Variants in CRTC3 observed in about 807,000 individuals in gnomAD.
The protein encoded by CRTC3 is CREB-regulated transcription coactivator 3.
Under a neutral mutation model 74.5 loss-of-function variants are expected in CRTC3, and 26 were observed. The observed-to-expected ratio is 0.35, with a 90% CI of 0.26 to 0.48. The LOEUF (loss-of-function observed/expected upper bound fraction) is 0.48, where lower values mean the gene tolerates loss of function less well. CRTC3 is among the 20% of genes least tolerant of loss of function. The pLI is 0.99. For missense variants in CRTC3, 760 were observed against 787.3 expected, an observed-to-expected ratio of 0.97 and a Z score of 0.41; for synonymous variants, 377 against 325.8, an observed-to-expected ratio of 1.16 and a Z score of -1.69.
At chr15:90,623,334 C>T (rs557713757) in intron 9 of CRTC3, among the ~76,000 whole-genome samples, 10 of 152,288 alleles carry the variant, frequency 6.6e-5, no homozygotes, top group African/African-American at 1.7e-4. Context: ...GCCTCCTGTA[C>T]GTAACTGAGA....
rs184470048 is a variant in CRTC3, at chr15:90,617,811, G to A, written c.614-72G>A. ...CCCATAAAGTGCTAGGATTATAGGC[G>A]TGAGCCACCGTGCCCGGCCTGGATT... On this transcript the variant is annotated intron_variant, in intron 7 of 14. Transcript: ENST00000268184. 53 of 998,504 alleles carry A rather than the reference G, an allele frequency of 5.3e-5. No individual in the cohort carries two copies. The East Asian group carries it at 6.0e-4, about 11-fold the overall frequency. The allele number at this position is 998,504 out of a possible 1,614,324, so 61.9% of individuals were successfully genotyped here.
intron 11 of CRTC3, among the ~76,000 whole-genome samples, chr15:90,632,682 G>A (rs1969083462): frequency 6.6e-6 from 1 of 152,240 alleles, no homozygotes; most frequent in African/African-American, 2.4e-5. Context: ...TCAACTCACT[G>A]AAACCTCCAC....
At chr15:90,597,943 A>G (rs7175350) in intron 3 of CRTC3, 144,135 of 153,494 alleles carry the variant, frequency 0.94, 67,882 homozygotes, top group Middle Eastern at 0.99. Flanking sequence ...AGGGACAAAA[A>G]GAAGTAGAAT....
At chr15:90,612,026 A>ACTC (rs59213374) in intron 6 of CRTC3, among the ~76,000 whole-genome samples, 26,230 of 51,432 alleles carry the variant, frequency 0.51, 7,045 homozygotes, top group Non-Finnish European at 0.55. Flanking sequence ...ACCACCCCCC[A>ACTC]CTCCTCCTCC....
Position 90,558,838 on chromosome 15 carries a change from A to G in CRTC3, c.231+18701A>G, listed in dbSNP as rs181313278. ...GTGATCTCGGCTCACTGCAACCTCC[A>G]CCTCCCGGGTTCAAGCCATTCTCCT... On this transcript the variant is annotated intron_variant, in intron 2 of 14. Coordinates refer to ENST00000268184, the MANE Select transcript of CRTC3 (RefSeq NM_022769.5). Among the ~76,000 whole-genome samples the G allele has an allele frequency of 1.2e-4, 18 of 150,364 alleles. No individual in the cohort carries two copies. In the East Asian group the frequency reaches 3.5e-3, roughly 30 times the overall value.
At chr15:90,623,116 C>T (rs897636230) in intron 9 of CRTC3, among the ~76,000 whole-genome samples, 5 of 152,130 alleles carry the variant, frequency 3.3e-5, no homozygotes, top group African/African-American at 7.2e-5. Flanking sequence ...CTAGTCAGGC[C>T]GGCCACTTTA....
At chr15:90,628,801 G>T (rs11638324) in intron 10 of CRTC3, among the ~76,000 whole-genome samples, 1 of 151,414 alleles carries the variant, frequency 6.6e-6, no homozygotes, top group Non-Finnish European at 1.5e-5. Context: ...GCCATGACTC[G>T]CCGTGGAAGG....
chr15:90,613,077 G>A (rs544949347), intron 6 of CRTC3, among the ~76,000 whole-genome samples: 27 of 151,480 alleles, frequency 1.8e-4, no homozygotes, highest in Non-Finnish European at 3.4e-4. Flanking sequence ...GCACGCGCCT[G>A]TAATCCCAAC....
chr15:90,633,956 T>C lies in CRTC3; in HGVS notation c.1266+4424T>C, dbSNP rs149401339. 7.6e-4 allele frequency among the ~76,000 whole-genome samples: 116 copies of C among 152,234 alleles called. 1 individual carries two copies. The highest frequency in any genetic ancestry group is 2.7e-3 in the African/African-American group (112 of 41,570). On this transcript the variant is annotated intron_variant, in intron 11 of 14. Transcript: ENST00000268184. ...TTCTTTTTTAATAGCATCATACTTA[T>C]TCCACAGATGCAATATCATCTTTTA...
intron 2 of CRTC3, among the ~76,000 whole-genome samples, chr15:90,584,516 C>T (rs1397925583): frequency 1.3e-5 from 2 of 152,204 alleles, no homozygotes; most frequent in East Asian, 3.8e-4. Flanking sequence ...GGATTATAGG[C>T]ATGAGCCACC....
intron 2 of CRTC3, among the ~76,000 whole-genome samples, chr15:90,561,074 C>T (rs766446074): frequency 3.3e-4 from 50 of 152,140 alleles, no homozygotes; most frequent in Admixed American, 1.4e-3. Flanking sequence ...TAGACAAGAT[C>T]GTTAGTCTCT....
At position 90,569,732 on chromosome 15, in the gene CRTC3, C is replaced by T. The variant is rs115864879; in HGVS notation, c.232-23904C>T. ...AGTAGCTGGGATTGTAGGTTCACCC[C>T]GCCATGCCTGGCTAATTTTTTATTT... On this transcript the variant is annotated intron_variant, in intron 2 of 14. Transcript: ENST00000268184. Among the ~76,000 whole-genome samples, 527 of 151,768 alleles carry T rather than the reference C, an allele frequency of 3.5e-3. 2 individuals are homozygous for T. The highest frequency in any genetic ancestry group is 0.012 in the African/African-American group (498 of 41,434).
At chr15:90,581,912 A>G (rs1596099968) in intron 2 of CRTC3, among the ~76,000 whole-genome samples, 1 of 152,042 alleles carries the variant, frequency 6.6e-6, no homozygotes. Context: ...CTACGGCAGG[A>G]AGAGGTTGGT....
chr15:90,598,539 G>T lies in CRTC3; in HGVS notation c.352-3785G>T, dbSNP rs536648622. ...CTGCACAGAACTGCAGAGGCTTGGG[G>T]AGAGAGAGAACACACTGGGATGACT... On this transcript the variant is annotated intron_variant, in intron 3 of 14. Transcript: ENST00000268184. The T allele has an allele frequency of 8.5e-6, 6 of 702,352 alleles. No homozygotes were observed. In the African/African-American group the frequency reaches 1.0e-4, roughly 12 times the overall value. 43.5% of individuals were successfully genotyped at this position (702,352 alleles called of 1,614,324 possible).
At chr15:90,552,983 C>T (rs887584859) in intron 2 of CRTC3, among the ~76,000 whole-genome samples, 26 of 152,268 alleles carry the variant, frequency 1.7e-4, no homozygotes, top group African/African-American at 6.3e-4. Flanking sequence ...TCTCTGCCAG[C>T]CCTGAGACAA....
intron 2 of CRTC3, among the ~76,000 whole-genome samples, chr15:90,555,023 G>T (rs971258355): frequency 2.0e-5 from 3 of 152,146 alleles, no homozygotes; most frequent in African/African-American, 4.8e-5. Flanking sequence ...CCATACTCTG[G>T]CTATATCTAC....
chr15:90,550,500 T>C (rs1171586224), intron 2 of CRTC3, among the ~76,000 whole-genome samples: 2 of 145,282 alleles, frequency 1.4e-5, no homozygotes, highest in East Asian at 4.1e-4. Context: ...TTGTGGAAAA[T>C]GTTTTAGTAA....
chr15:90,575,502 A>G (rs1272967283), intron 2 of CRTC3, among the ~76,000 whole-genome samples: 1 of 152,240 alleles, frequency 6.6e-6, no homozygotes, highest in Admixed American at 6.5e-5. Flanking sequence ...AGTGTAAGGT[A>G]TGCAGTGTGA....
In CRTC3 at chr15:90,604,373, T is replaced by C. The variant is rs770407347; in HGVS notation, c.414-12T>C. 43 of 1,612,284 alleles carry C rather than the reference T, an allele frequency of 2.7e-5. No homozygotes were observed. The highest frequency in any genetic ancestry group is 3.6e-5 in the Non-Finnish European group (42 of 1,178,278). On this transcript the variant is annotated splice_polypyrimidine_tract_variant and intron_variant, in intron 4 of 14. Coordinates refer to ENST00000268184, the MANE Select transcript of CRTC3 (RefSeq NM_022769.5). ...GACTTCTTTTCCTTTTATGTTGTTCTGGTTTTTAAAGGCAGCAGCCTCCTT... is the reference window on the plus strand; with the variant it reads ...GACTTCTTTTCCTTTTATGTTGTTCCGGTTTTTAAAGGCAGCAGCCTCCTT...
Sources: allele counts gnomAD v4.1 joint callset (sites outside exome capture counted in the v4.1 genomes callset), GRCh38; gene constraint gnomAD v4.1.1; transcripts MANE v1.5; gene names NCBI Gene and HGNC (gene_info 2026-07-23, HGNC 2026-07-21).